The following SLC23A2 variants were observed in gnomAD, a reference collection of about 807,000 sequenced individuals.
The protein encoded by SLC23A2 is Na(+)/L-ascorbic acid transporter 2.
Under a neutral mutation model 73.3 loss-of-function variants are expected in SLC23A2, and 36 were observed. The ratio of observed to expected loss-of-function variants is 0.49; its 90% CI spans 0.38 to 0.65. The LOEUF is 0.65. Ranked by LOEUF, SLC23A2 falls within the 30% of genes least tolerant of loss-of-function variation. SLC23A2 has a pLI of 0.00. For missense variants in SLC23A2, 507 were observed against 841.6 expected, an observed-to-expected ratio of 0.60 and a Z score of 4.92; for synonymous variants, 343 against 327.3, an observed-to-expected ratio of 1.05 and a Z score of -0.52.
chr20:4,995,705 G>A (rs543882922), intron 1 of SLC23A2, among the ~76,000 whole-genome samples: 25 of 152,208 alleles, frequency 1.6e-4, no homozygotes, highest in African/African-American at 4.3e-4. Context: ...GCAACTGACC[G>A]GCCTAGGGTC....
chr20:4,937,339 C>T (rs4813725), intron 2 of SLC23A2, among the ~76,000 whole-genome samples: 43,132 of 152,074 alleles, frequency 0.28, 7,876 homozygotes, highest in East Asian at 0.63. Flanking sequence ...CTCATTGCCC[C>T]TTTTCCTACC....
intron 2 of SLC23A2, among the ~76,000 whole-genome samples, chr20:4,964,932 A>G (rs1216890058): frequency 6.6e-6 from 1 of 151,852 alleles, no homozygotes; most frequent in Non-Finnish European, 1.5e-5. Flanking sequence ...GGAGGAAAAC[A>G]CCAAAATAGT....
chr20:4,913,846 C>T (rs187809208), intron 3 of SLC23A2, among the ~76,000 whole-genome samples: 9 of 151,854 alleles, frequency 5.9e-5, no homozygotes, highest in African/African-American at 2.2e-4. Context: ...AGGCTGGTCT[C>T]GAACTCCTAA....
intron 1 of SLC23A2, among the ~76,000 whole-genome samples, chr20:4,982,259 C>G (rs574995905): frequency 6.6e-6 from 1 of 152,264 alleles, no homozygotes; most frequent in African/African-American, 2.4e-5. Flanking sequence ...TCCCAAAGCA[C>G]TGGGATTACA....
At chr20:4,934,628 G>A (rs1296001860) in intron 2 of SLC23A2, among the ~76,000 whole-genome samples, 1 of 152,156 alleles carries the variant, frequency 6.6e-6, no homozygotes, top group Admixed American at 6.5e-5. Context: ...TTGAGAGGCT[G>A]AGGTGGGTGG....
chr20:4,878,480 C>T lies in SLC23A2; in HGVS notation c.825-3784G>A, dbSNP rs78624304. 3.4e-3 allele frequency among the ~76,000 whole-genome samples: 525 copies of T among 152,332 alleles called. 21 individuals carry two copies. The East Asian group carries it at 0.087, about 25-fold the overall frequency. Reference sequence around the variant, plus strand: ...AGATTACAGGTGTGAGCTGCCACGACAGATTTGTTTTTAATTCAGTGGTTT... The same window carrying T: ...AGATTACAGGTGTGAGCTGCCACGATAGATTTGTTTTTAATTCAGTGGTTT... On this transcript the variant is annotated intron_variant, in intron 9 of 16. Coordinates refer to ENST00000338244, the MANE Select transcript of SLC23A2 (RefSeq NM_005116.6).
At chr20:4,885,280 C>T (rs1360716070) in intron 7 of SLC23A2, among the ~76,000 whole-genome samples, 1 of 152,224 alleles carries the variant, frequency 6.6e-6, no homozygotes, top group Non-Finnish European at 1.5e-5. Context: ...CCTAGAAGGT[C>T]AAAATGTAAT....
At chr20:4,931,054 T>A in intron 3 of SLC23A2, among the ~76,000 whole-genome samples, 1 of 136,706 alleles carries the variant, frequency 7.3e-6, no homozygotes, top group Admixed American at 7.7e-5. Flanking sequence ...TTAAAATAAC[T>A]GTTATTTTTT....
chr20:4,944,021 T>C (rs2087081675), intron 2 of SLC23A2, among the ~76,000 whole-genome samples: 1 of 152,202 alleles, frequency 6.6e-6, no homozygotes, highest in African/African-American at 2.4e-5. Flanking sequence ...AGGGAAAGGA[T>C]GGAACCTTTG....
upstream of SLC23A2, among the ~76,000 whole-genome samples, chr20:5,001,830 C>T (rs1279482572): frequency 2.0e-5 from 3 of 151,976 alleles, no homozygotes; most frequent in East Asian, 5.8e-4. Flanking sequence ...CAGGTCCCCC[C>T]TTTTTACCCC....
intron 2 of SLC23A2, among the ~76,000 whole-genome samples, chr20:4,944,896 T>C (rs1272143379): frequency 6.6e-6 from 1 of 152,176 alleles, no homozygotes; most frequent in Non-Finnish European, 1.5e-5. Flanking sequence ...ATGCTAACAT[T>C]TGACCTAAAT....
At chr20:4,859,797 G>C (rs955176798) in intron 15 of SLC23A2, among the ~76,000 whole-genome samples, 3 of 152,242 alleles carry the variant, frequency 2.0e-5, no homozygotes, top group African/African-American at 4.8e-5. Flanking sequence ...TGCAGTCATA[G>C]AAGACTTTTC....
At chr20:4,963,825 G>A (rs2122194081) in intron 2 of SLC23A2, among the ~76,000 whole-genome samples, 1 of 152,172 alleles carries the variant, frequency 6.6e-6, no homozygotes, top group South Asian at 2.1e-4. Flanking sequence ...TCCAGCCTGG[G>A]TGACATAGTG....
chr20:4,945,483 C>G (rs998881329), intron 2 of SLC23A2, among the ~76,000 whole-genome samples: 1 of 152,114 alleles, frequency 6.6e-6, no homozygotes, highest in Non-Finnish European at 1.5e-5. Flanking sequence ...ACAGGGTCTA[C>G]TTGTTGCCCA....
chr20:4,999,686 C>A (rs374354206), intron 1 of SLC23A2, among the ~76,000 whole-genome samples: 2 of 152,078 alleles, frequency 1.3e-5, no homozygotes, highest in African/African-American at 4.8e-5. Flanking sequence ...AACCACAACA[C>A]CCGGCCCAGG....
chr20:4,994,707 G>A (rs939456758), intron 1 of SLC23A2, among the ~76,000 whole-genome samples: 3 of 152,184 alleles, frequency 2.0e-5, no homozygotes, highest in Non-Finnish European at 4.4e-5. Context: ...GTTTCAGTGA[G>A]CCGATATCGC....
At position 4,922,018 on chromosome 20, in the gene SLC23A2, C is replaced by T. The variant is rs565522397; in HGVS notation, c.109-9040G>A. Among the ~76,000 whole-genome samples the T allele has an allele frequency of 6.6e-5, 10 of 152,314 alleles. No individual in the cohort carries two copies. The South Asian group carries it at 2.1e-3, about 32-fold the overall frequency. On this transcript the variant is annotated intron_variant, in intron 3 of 16. Transcript: ENST00000338244. ...ACCTCCAATATCATATCTTCCTCCTCAAGTACTTTATCAAATCCTAGCAAG... is the reference window on the plus strand; with the variant it reads ...ACCTCCAATATCATATCTTCCTCCTTAAGTACTTTATCAAATCCTAGCAAG...
chr20:4,979,981 A>C (rs1034054498), intron 1 of SLC23A2, among the ~76,000 whole-genome samples: 12 of 110,604 alleles, frequency 1.1e-4, no homozygotes, highest in Admixed American at 3.3e-4. Context: ...AAAAACTGGC[A>C]AAAAAAACCA....
rs1931659092 is a variant in SLC23A2 at position 4,899,300 on chromosome 20, G to A, written c.482+255C>T. On this transcript the variant is annotated intron_variant, in intron 6 of 16. Coordinates refer to ENST00000338244, the MANE Select transcript of SLC23A2 (RefSeq NM_005116.6). The surrounding 1 kb of genome is among the most constrained non-coding windows in gnomAD (Gnocchi z 4.9). ...TGGGGAGCGAGCATGACTTGCCAAG[G>A]GGGCAGGGGAAGGAGAGTGAGGCTG... 6.6e-6 allele frequency among the ~76,000 whole-genome samples: 1 copy of A among 152,144 alleles called. No individual in the cohort carries two copies. The highest frequency in any genetic ancestry group is 2.4e-5 in the African/African-American group (1 of 41,408).
Sources: allele counts gnomAD v4.1 joint callset (sites outside exome capture counted in the v4.1 genomes callset), GRCh38; gene constraint gnomAD v4.1.1; non-coding constraint Gnocchi (gnomAD v3.1); transcripts MANE v1.5; gene names NCBI Gene and HGNC (gene_info 2026-07-23, HGNC 2026-07-21).